KLHL29: variants seen among roughly 807,000 people sequenced by gnomAD.
KLHL29 encodes kelch-like protein 29.
A neutral mutation model predicts 80.4 loss-of-function variants in KLHL29; 21 were observed. That is an observed-to-expected ratio of 0.26 (90% CI 0.19 to 0.38). The LOEUF (loss-of-function observed/expected upper bound fraction) is 0.38, where lower values mean the gene tolerates loss of function less well. KLHL29 is among the 10% of genes least tolerant of loss of function. KLHL29 has a pLI of 1.00. For synonymous variants in KLHL29, 511 were observed against 526.8 expected (o/e 0.97, Z 0.41); for missense variants, 867 against 1,223.9 (o/e 0.71, Z 4.35).
At chr2:23,584,261 G>A (rs769891390) in intron 3 of KLHL29, among the ~76,000 whole-genome samples, 2 of 152,204 alleles carry the variant, frequency 1.3e-5, no homozygotes, top group Non-Finnish European at 2.9e-5. Context: ...TGTTGCTGGT[G>A]CCCAGAGCCC....
rs1558436917 is a variant in KLHL29 at position 23,680,711 on chromosome 2, C to CCCCTGGGGTCTCTAGGCCATCTTA, written c.941-3665_941-3664insACCCTGGGGTCTCTAGGCCATCTT. Among the ~76,000 whole-genome samples the CCCCTGGGGTCTCTAGGCCATCTTA allele has an allele frequency of 2.0e-5, 3 of 149,654 alleles. No homozygotes were observed. The highest frequency in any genetic ancestry group is 2.0e-4 in the Admixed American group (3 of 15,026). On this transcript the variant is annotated intron_variant, in intron 5 of 13. Transcript: ENST00000486442. The surrounding 1 kb of genome is among the most constrained non-coding windows in gnomAD (Gnocchi z 4.1). ...TCCCCTGGGGTCTCTAGGCCATCTT[C>CCCCTGGGGTCTCTAGGCCATCTTA]CCCTGGGGTCTCTAGGCCATCTTCC...
intron 1 of KLHL29, among the ~76,000 whole-genome samples, chr2:23,413,625 G>C: frequency 6.6e-6 from 1 of 152,216 alleles, no homozygotes; most frequent in East Asian, 1.9e-4. Context: ...AGAACAACCT[G>C]CTCCCCACCT....
chr2:23,401,403 A>G (rs1666596135), intron 1 of KLHL29, among the ~76,000 whole-genome samples: 1 of 152,138 alleles, frequency 6.6e-6, no homozygotes, highest in African/African-American at 2.4e-5. Context: ...CACCTGGGAG[A>G]GGTAAGCTTG....
intron 3 of KLHL29, among the ~76,000 whole-genome samples, chr2:23,635,027 G>T (rs527500053): frequency 6.6e-6 from 1 of 152,366 alleles, no homozygotes; most frequent in South Asian, 2.1e-4. Flanking sequence ...TGGGTACACA[G>T]AGAGTAGAGG....
intron 2 of KLHL29, among the ~76,000 whole-genome samples, chr2:23,486,370 G>A (rs1282823091): frequency 6.6e-6 from 1 of 151,734 alleles, no homozygotes; most frequent in Non-Finnish European, 1.5e-5. Context: ...TCCCTCCCAC[G>A]ATTGCCACTG....
At chr2:23,429,428 CT>C (rs1663106763) in intron 1 of KLHL29, among the ~76,000 whole-genome samples, 1 of 152,238 alleles carries the variant, frequency 6.6e-6, no homozygotes, top group Non-Finnish European at 1.5e-5. Flanking sequence ...TTCTTTTGTG[CT>C]TTCAAAGTAA....
At chr2:23,661,617 G>A (rs1377167227) in intron 5 of KLHL29, among the ~76,000 whole-genome samples, 1 of 152,266 alleles carries the variant, frequency 6.6e-6, no homozygotes, top group Non-Finnish European at 1.5e-5. Flanking sequence ...TTATCTGGAA[G>A]GACATGGCTT....
chr2:23,612,021 A>G (rs1045783296), intron 3 of KLHL29, among the ~76,000 whole-genome samples: 19 of 152,200 alleles, frequency 1.2e-4, no homozygotes, highest in Non-Finnish European at 7.3e-5. Context: ...TGTCTAACAC[A>G]CGTATAATTG....
chr2:23,487,680 G>A (rs10169643), intron 2 of KLHL29, among the ~76,000 whole-genome samples: 9 of 152,012 alleles, frequency 5.9e-5, no homozygotes, highest in African/African-American at 2.2e-4. Flanking sequence ...CTAAAAGGCT[G>A]CATTCTTTTT....
intron 3 of KLHL29, among the ~76,000 whole-genome samples, chr2:23,568,290 T>C (rs1667638578): frequency 6.6e-6 from 1 of 152,182 alleles, no homozygotes; most frequent in African/African-American, 2.4e-5. Context: ...TTTTGCTGCT[T>C]GATAATACCC....
intron 2 of KLHL29, among the ~76,000 whole-genome samples, chr2:23,519,200 G>T (rs930906494): frequency 2.0e-5 from 3 of 152,134 alleles, no homozygotes; most frequent in African/African-American, 7.2e-5. Flanking sequence ...AACTGACACT[G>T]ACCCTCCGCT....
intron 1 of KLHL29, among the ~76,000 whole-genome samples, chr2:23,453,530 G>T (rs1440383859): frequency 6.6e-6 from 1 of 152,244 alleles, no homozygotes; most frequent in African/African-American, 2.4e-5. Flanking sequence ...CTTGCTGGGA[G>T]TGCAGTGGGG....
intron 13 of KLHL29, 104 bp from the exon 14 acceptor site, chr2:23,706,377 C>T: frequency 1.1e-6 from 1 of 909,790 alleles, no homozygotes; most frequent in Non-Finnish European, 1.5e-6. Context: ...ATGCCTTCTG[C>T]AAAAGGCACA....
chr2:23,673,703 TCA>T (rs920231277), intron 5 of KLHL29, among the ~76,000 whole-genome samples: 13 of 135,880 alleles, frequency 9.6e-5, no homozygotes, highest in African/African-American at 2.8e-4. Context: ...ATCCTCTCTC[TCA>T]CACACACACA....
intron 1 of KLHL29, among the ~76,000 whole-genome samples, chr2:23,427,127 A>G (rs1663026205): frequency 1.3e-5 from 2 of 152,184 alleles, no homozygotes; most frequent in African/African-American, 4.8e-5. Flanking sequence ...AGTACCTAAC[A>G]GGAGCTCAGG....
intron 5 of KLHL29, among the ~76,000 whole-genome samples, chr2:23,660,899 C>T (rs2149169579): frequency 6.6e-6 from 1 of 152,280 alleles, no homozygotes; most frequent in East Asian, 1.9e-4. Flanking sequence ...GGCGTGGTGG[C>T]AGGCGCCTGT....
intron 3 of KLHL29, among the ~76,000 whole-genome samples, chr2:23,591,473 C>A (rs1054910841): frequency 6.6e-6 from 1 of 151,156 alleles, no homozygotes; most frequent in Admixed American, 6.6e-5. Flanking sequence ...TCAGCCTCCC[C>A]CTGGGTTTCC....
At chr2:23,407,364 C>T (rs754573055) in intron 1 of KLHL29, among the ~76,000 whole-genome samples, 22 of 151,778 alleles carry the variant, frequency 1.4e-4, no homozygotes, top group Admixed American at 2.0e-4. Flanking sequence ...AATGGTATCT[C>T]GTGGTCTCGG....
chr2:23,579,252 G>A (rs769703446), intron 3 of KLHL29, among the ~76,000 whole-genome samples: 1 of 152,224 alleles, frequency 6.6e-6, no homozygotes, highest in Non-Finnish European at 1.5e-5. Flanking sequence ...CTGAGAACTT[G>A]CTCAATGCGC....
Sources: gnomAD v4.1 joint callset for allele counts (sites outside exome capture counted in the v4.1 genomes callset) on GRCh38, gnomAD v4.1.1 for gene constraint, Gnocchi (gnomAD v3.1) non-coding constraint, MANE v1.5 for transcripts, NCBI Gene and HGNC (gene_info 2026-07-23, HGNC 2026-07-21) for gene names.